HHIP: variants seen among roughly 807,000 people sequenced by gnomAD.
HHIP encodes the protein hedgehog-interacting protein.
In HHIP, 12 loss-of-function variants were observed where a neutral mutation model predicts 74.0. That is an observed-to-expected ratio of 0.16 (90% CI 0.10 to 0.26). The LOEUF is 0.26. Among genes scored for constraint, HHIP ranks in the 10% least tolerant of loss-of-function variants. The pLI, the probability that HHIP is intolerant of heterozygous loss-of-function variation, is 1.00. For missense variants in HHIP, 788 were observed against 845.0 expected (o/e 0.93, Z 0.84); for synonymous variants, 309 against 311.6 (o/e 0.99, Z 0.09).
chr4:144,700,523 C>T, intron 4 of HHIP, among the ~76,000 whole-genome samples: 1 of 152,080 alleles, frequency 6.6e-6, no homozygotes, highest in Non-Finnish European at 1.5e-5. Flanking sequence ...GGAGATTATC[C>T]TGGATCATCT....
Position 144,708,145 on chromosome 4 carries a change from T to C in HHIP, c.1158-23T>C, listed in dbSNP as rs747575594. 24 of 1,612,664 alleles carry C rather than the reference T, an allele frequency of 1.5e-5. No homozygotes were observed. In the East Asian group the frequency reaches 4.7e-4, roughly 31 times the overall value. The stretch of plus-strand genomic sequence containing the variant: ...ATATATAATGAAAATGTAAAACACA[T>C]ACTCTGTCCCCCAATTTCTCAGTGA... On this transcript the variant is annotated intron_variant, in intron 6 of 12. Coordinates refer to ENST00000296575, the MANE Select transcript of HHIP (RefSeq NM_022475.3).
At chr4:144,722,673 T>C (rs1176705749) in intron 11 of HHIP, among the ~76,000 whole-genome samples, 1 of 151,990 alleles carries the variant, frequency 6.6e-6, no homozygotes, top group East Asian at 1.9e-4. Flanking sequence ...GCCAACATGG[T>C]GAAACCCTCT....
chr4:144,707,646 C>CAAAA (rs6148709), intron 6 of HHIP, among the ~76,000 whole-genome samples: 3 of 57,168 alleles, frequency 5.2e-5, no homozygotes, highest in African/African-American at 7.1e-5. Flanking sequence ...AGAACAGAGG[C>CAAAA]AAAAAAAAAA....
intron 2 of HHIP, among the ~76,000 whole-genome samples, chr4:144,657,378 C>T (rs1223681811): frequency 6.6e-6 from 1 of 151,980 alleles, no homozygotes; most frequent in African/African-American, 2.4e-5. Context: ...TACTGAGCTA[C>T]TCAGTATGTT....
intron 4 of HHIP, among the ~76,000 whole-genome samples, chr4:144,689,762 AC>A (rs1296246321): frequency 6.6e-6 from 1 of 152,162 alleles, no homozygotes; most frequent in Non-Finnish European, 1.5e-5. Context: ...TCTGTTTTTA[AC>A]TGAAGCCTTA....
At chr4:144,656,253 T>C (rs1728554756) in intron 2 of HHIP, among the ~76,000 whole-genome samples, 1 of 152,224 alleles carries the variant, frequency 6.6e-6, no homozygotes, top group African/African-American at 2.4e-5. Flanking sequence ...AAAAATCTTC[T>C]GAGTTGGTTT....
Position 144,718,973 on chromosome 4 carries a change from T to C in HHIP, c.1760+17T>C. 7.0e-7 allele frequency: 1 copy of C among 1,426,296 alleles called. No homozygotes were observed. Among genetic ancestry groups the C allele is most frequent in the Non-Finnish European group, 9.8e-7 (1 of 1,015,796 alleles). 88.4% of individuals were successfully genotyped at this position (1,426,296 alleles called of 1,614,324 possible). On this transcript the variant is annotated intron_variant, in intron 11 of 12. Transcript: ENST00000296575. ...TCCCAAAAGGTGAGATTTCCTTTTATCCCATTAAGTCAAGTAATTTTCTTC... is the reference window on the plus strand; with the variant it reads ...TCCCAAAAGGTGAGATTTCCTTTTACCCCATTAAGTCAAGTAATTTTCTTC...
In HHIP at chr4:144,646,637, C is replaced by A. The variant is rs551419187; in HGVS notation, c.-39C>A. Reference sequence around the variant, plus strand: ...CCTGCTGGGCAGTGGCGTTCCCCCCCATCCTCCCGCGCCCAGCCCCTGCTG... The same window carrying A: ...CCTGCTGGGCAGTGGCGTTCCCCCCAATCCTCCCGCGCCCAGCCCCTGCTG... On this transcript the variant is annotated 5_prime_UTR_variant, in exon 1 of 13. Coordinates refer to ENST00000296575, the MANE Select transcript of HHIP (RefSeq NM_022475.3). The A allele has an allele frequency of 1.3e-5, 20 of 1,592,624 alleles. No homozygotes were observed. The highest frequency in any genetic ancestry group is 1.1e-4 in the East Asian group (5 of 44,698).
Position 144,715,396 on chromosome 4 carries a change from C to A in HHIP, c.1644C>A (p.Ser548=). 6.2e-7 allele frequency: 1 copy of A among 1,613,390 alleles called. No homozygotes were observed. Among genetic ancestry groups the A allele is most frequent in the Non-Finnish European group, 8.5e-7 (1 of 1,179,496 alleles). Residue 548 remains serine, a synonymous_variant, in exon 10 of 13, where the codon TCC becomes TCA. Coordinates refer to ENST00000296575, the MANE Select transcript of HHIP (RefSeq NM_022475.3). ...GTSGSCRGYF[S]GHILGFGEDE... ...GTGGGTCCTGTAGAGGCTACTTTTC[C>A]GGTCACATCTTGGGATTTGGAGAAG...
At chr4:144,676,063 A>G (rs1426249293) in intron 4 of HHIP, among the ~76,000 whole-genome samples, 1 of 152,240 alleles carries the variant, frequency 6.6e-6, no homozygotes, top group Non-Finnish European at 1.5e-5. Flanking sequence ...TGTTTTAAAT[A>G]CAGCTTAAAT....
At position 144,712,031 on chromosome 4, in the gene HHIP, A is replaced by C; in HGVS notation, c.1383A>C (p.Ser461=). The change falls in exon 8 of 13, where the codon TCA becomes TCC. Residue 461 remains serine, a synonymous_variant. Coordinates refer to ENST00000296575, the MANE Select transcript of HHIP (RefSeq NM_022475.3). ...LCSDSNGKNR[S]SARILQIIKG... is the part of the protein sequence containing the mutation. ...CAGACTCCAATGGAAAAAACAGATC[A>C]TCAGCCAGAATTCTACAGATAATAA... 6.2e-7 allele frequency: 1 copy of C among 1,612,960 alleles called. No individual in the cohort carries two copies. Among genetic ancestry groups the C allele is most frequent in the Non-Finnish European group, 8.5e-7 (1 of 1,179,050 alleles).
rs1485912060 is a variant in HHIP, at chr4:144,739,241, TA to T, written c.*1285del. 6.6e-6 allele frequency: 1 copy of T among 152,248 alleles called. No homozygotes were observed. Among genetic ancestry groups the T allele is most frequent in the Non-Finnish European group, 1.5e-5 (1 of 68,042 alleles). 9.4% of individuals were successfully genotyped at this position (152,248 alleles called of 1,614,324 possible). ...TTCTGACTTAAAACTGCAAAAAGTCTAGTAGATATTTTTCTTCATGGTTTTC... is the reference window on the plus strand; with the variant it reads ...TTCTGACTTAAAACTGCAAAAAGTCTGTAGATATTTTTCTTCATGGTTTTC... On this transcript the variant is annotated 3_prime_UTR_variant, in exon 13 of 13. Transcript: ENST00000296575.
intron 4 of HHIP, among the ~76,000 whole-genome samples, chr4:144,669,483 A>C (rs1201856309): frequency 6.6e-6 from 1 of 152,324 alleles, no homozygotes; most frequent in Non-Finnish European, 1.5e-5. Flanking sequence ...ATACACCTTA[A>C]AGTTCATCTA....
Position 144,737,796 on chromosome 4 carries a change from G to T in HHIP, c.1942G>T (p.Val648Phe). ...KCEPACRHGG[V>F]CVRPNKCLCK... is the part of the protein sequence containing the mutation. ...TGAGCCAGCATGTCGTCATGGAGGTGTCTGTGTTAGACCGAACAAGTGCCT... is the reference window on the plus strand; with the variant it reads ...TGAGCCAGCATGTCGTCATGGAGGTTTCTGTGTTAGACCGAACAAGTGCCT... Residue 648 changes from valine to phenylalanine, a missense_variant, in exon 13 of 13, where the codon GTC (valine) becomes TTC (phenylalanine). Coordinates refer to ENST00000296575, the MANE Select transcript of HHIP (RefSeq NM_022475.3). The T allele has an allele frequency of 6.2e-7, 1 of 1,610,340 alleles. No homozygotes were observed. The highest frequency in any genetic ancestry group is 8.5e-7 in the Non-Finnish European group (1 of 1,178,098).
In HHIP at chr4:144,660,040, G is replaced by A. The variant is rs557898650; in HGVS notation, c.831+202G>A. 3.4e-5 allele frequency: 19 copies of A among 562,300 alleles called. No individual in the cohort carries two copies. The Middle Eastern group carries it at 1.3e-3, about 40-fold the overall frequency. 34.8% of individuals were successfully genotyped at this position (562,300 alleles called of 1,614,324 possible). A position where few individuals can be genotyped will look rare whatever the true frequency, so the allele number is the denominator to read the frequency against. ...TTCTGTTATTTGTTGACTATTGTGC[G>A]CTGCAATCGAATTGATATTTGACAT... On this transcript the variant is annotated intron_variant, in intron 4 of 12. Coordinates refer to ENST00000296575, the MANE Select transcript of HHIP (RefSeq NM_022475.3).
intron 4 of HHIP, chr4:144,661,348 T>C (rs1728708557): frequency 6.6e-6 from 1 of 152,196 alleles, no homozygotes; most frequent in Non-Finnish European, 1.5e-5. Context: ...CAAGAAAACT[T>C]GCAGAATTTG....
At position 144,646,382 on chromosome 4, in the gene HHIP, G is replaced by A; in HGVS notation, c.-294G>A. 3.1e-6 allele frequency: 1 copy of A among 325,244 alleles called. No homozygotes were observed. Among genetic ancestry groups the A allele is most frequent in the Non-Finnish European group, 5.6e-6 (1 of 179,116 alleles). 20.1% of individuals were successfully genotyped at this position (325,244 alleles called of 1,614,324 possible). A position where few individuals can be genotyped will look rare whatever the true frequency, so the allele number is the denominator to read the frequency against. On this transcript the variant is annotated 5_prime_UTR_variant, in exon 1 of 13. Transcript: ENST00000296575. ...CTCCTTCTCCTCCTCCCACTTCCCA[G>A]CCGCAGCAGAAAGCCCCCAACCCAA...
intron 4 of HHIP, among the ~76,000 whole-genome samples, chr4:144,674,373 G>A (rs1403444367): frequency 6.6e-6 from 1 of 152,114 alleles, no homozygotes; most frequent in African/African-American, 2.4e-5. Flanking sequence ...ATAAAAGCAG[G>A]AGACTTGTTT....
At chr4:144,734,966 GT>G (rs1233343618) in intron 12 of HHIP, 77 bp downstream of exon 12, 111 of 1,360,636 alleles carry the variant, frequency 8.2e-5, no homozygotes, top group Non-Finnish European at 1.1e-4. Flanking sequence ...AACATTGATT[GT>G]TTCTTCTACA....
Sources: gnomAD v4.1 joint callset for allele counts (sites outside exome capture counted in the v4.1 genomes callset) on GRCh38, gnomAD v4.1.1 for gene constraint, MANE v1.5 for transcripts, NCBI Gene and HGNC (gene_info 2026-07-23, HGNC 2026-07-21) for gene names.